The following PGM3 variants were observed in gnomAD, a reference collection of about 807,000 sequenced individuals.
PGM3 encodes the protein phosphoacetylglucosamine mutase.
In PGM3, 40 loss-of-function variants were observed where a neutral mutation model predicts 66.2. The observed-to-expected ratio is 0.60, with a 90% CI of 0.47 to 0.79. The LOEUF (loss-of-function observed/expected upper bound fraction) is 0.79. Ranked by LOEUF, PGM3 falls within the 30% of genes least tolerant of loss-of-function variation. The pLI, the probability that PGM3 is intolerant of heterozygous loss-of-function variation, is 0.00. For missense variants in PGM3, 537 were observed against 643.4 expected, an observed-to-expected ratio of 0.83 and a Z score of 1.79; for synonymous variants, 191 against 224.2, an observed-to-expected ratio of 0.85 and a Z score of 1.32.
chr6:83,162,856 A>G (rs370423377), downstream of PGM3: 13 of 1,613,582 alleles, frequency 8.1e-6, no homozygotes, highest in Non-Finnish European at 1.0e-5. Context: ...GGCAGGGTAT[A>G]CATCAACGAG....
At chr6:83,151,855 A>T in the PGM3 span, 18 of 1,609,426 alleles carry the variant, frequency 1.1e-5, 1 homozygote, top group South Asian at 2.0e-4. Context: ...TGTGTACCAT[A>T]CATAGTTGTT....
At chr6:83,158,451 A>T, downstream of PGM3, 3 of 821,204 alleles carry the variant, frequency 3.7e-6, no homozygotes, top group Non-Finnish European at 5.9e-6. Context: ...AATTTAAAAG[A>T]TTCTGAAAAT....
rs2128506406 is a variant in PGM3, at chr6:83,188,672, C to T, written c.331G>A (p.Glu111Lys). 1 of 1,613,946 alleles carries T rather than the reference C, an allele frequency of 6.2e-7. No individual in the cohort carries two copies. The highest frequency in any genetic ancestry group is 1.3e-5 in the African/African-American group (1 of 75,020). ...DMQRVLIDIS[E>K]KEAVNLQQDA... ...TGTTGCAGATTCACAGCTTCTTTCT[C>T]GCTGATGTCAATAAGCACTCTCTGC... The change falls in exon 3 of 13, where the codon GAG becomes AAG. Residue 111 changes from glutamate to lysine, a missense_variant. By Grantham distance (56) the Glu-to-Lys change is moderately conservative (BLOSUM62 1). Coordinates refer to ENST00000513973, the MANE Select transcript of PGM3 (RefSeq NM_015599.3).
chr6:83,153,731 G>C, the PGM3 span: 6 of 1,174,812 alleles, frequency 5.1e-6, no homozygotes, highest in East Asian at 1.4e-4. Context: ...TTTTTACCTT[G>C]AATTATAATT....
chr6:83,151,519 C>A, the PGM3 span: 12,443 of 1,182,474 alleles, frequency 0.011, 419 homozygotes, highest in African/African-American at 0.081. Context: ...CTTAACTCAT[C>A]GTGAGAAATT....
intron 2 of PGM3, chr6:83,190,542 A>C (rs533050732): frequency 4.4e-6 from 2 of 456,390 alleles, no homozygotes; most frequent in Non-Finnish European, 7.7e-6. Context: ...AATGTCTTAA[A>C]TCAATAAATT....
the PGM3 span, among the ~76,000 whole-genome samples, chr6:83,149,917 G>A: frequency 2.0e-5 from 3 of 152,190 alleles, no homozygotes; most frequent in African/African-American, 4.8e-5. Flanking sequence ...AATAATAAAA[G>A]GCTATGTTTG....
chr6:83,180,411 T>C (rs985842620), intron 6 of PGM3, among the ~76,000 whole-genome samples: 6 of 152,298 alleles, frequency 3.9e-5, no homozygotes, highest in East Asian at 1.9e-4. Context: ...ACACTGATAA[T>C]TAAGAGCAAA....
downstream of PGM3, among the ~76,000 whole-genome samples, chr6:83,156,268 AAAAG>A (rs1300713363): frequency 6.6e-6 from 1 of 152,226 alleles, no homozygotes; most frequent in Non-Finnish European, 1.5e-5. Flanking sequence ...GCTGGCATCT[AAAAG>A]AAATCATCAC....
chr6:83,165,932 C>CTG lies in PGM3; in HGVS notation c.*3300_*3301dup. 2.6e-6 allele frequency: 1 copy of CTG among 387,242 alleles called. No individual in the cohort carries two copies. Among genetic ancestry groups the CTG allele is most frequent in the Non-Finnish European group, 5.2e-6 (1 of 193,684 alleles). The allele number at this position is 387,242 out of a possible 1,614,324, so 24.0% of individuals were successfully genotyped here. A position where few individuals can be genotyped will look rare whatever the true frequency, so the allele number is the denominator to read the frequency against. Reference sequence around the variant, plus strand: ...ATTCAGAAAGCTGTAGTGGATCAGACTGGCAGCAAACCACCAAACAATGAC... The same window carrying CTG: ...ATTCAGAAAGCTGTAGTGGATCAGACTGTGGCAGCAAACCACCAAACAATGAC... On this transcript the variant is annotated 3_prime_UTR_variant, in exon 13 of 13. Coordinates refer to ENST00000513973, the MANE Select transcript of PGM3 (RefSeq NM_015599.3).
intron 1 of PGM3, among the ~76,000 whole-genome samples, chr6:83,192,387 T>C (rs1042198483): frequency 3.3e-5 from 5 of 152,232 alleles, no homozygotes; most frequent in African/African-American, 9.6e-5. Flanking sequence ...GTAGTCCATA[T>C]ACTACATTTC....
intron 10 of PGM3, among the ~76,000 whole-genome samples, chr6:83,173,284 T>C (rs955389759): frequency 2.7e-5 from 4 of 149,458 alleles, no homozygotes; most frequent in African/African-American, 9.9e-5. Context: ...TGGAAGACAA[T>C]GAAAGGTATA....
chr6:83,159,398 T>C (rs1180962867), downstream of PGM3, among the ~76,000 whole-genome samples: 1 of 151,708 alleles, frequency 6.6e-6, no homozygotes, highest in Non-Finnish European at 1.5e-5. Flanking sequence ...CTCAGCCTCC[T>C]GAGCAGCTGA....
chr6:83,192,468 TTTTC>T (rs1441557065), intron 1 of PGM3, among the ~76,000 whole-genome samples: 3 of 152,204 alleles, frequency 2.0e-5, no homozygotes, highest in African/African-American at 7.2e-5. Flanking sequence ...CATAATTTTG[TTTTC>T]TTTATTGTCC....
rs73749737 is a variant in PGM3, at chr6:83,190,574, C to G, written c.204+235G>C. Reference sequence around the variant, plus strand: ...AATTTGGAAGGACATTGTTATTTCTCTAATATGGACACTCCAAAAAATGAC... The same window carrying G: ...AATTTGGAAGGACATTGTTATTTCTGTAATATGGACACTCCAAAAAATGAC... On this transcript the variant is annotated intron_variant, in intron 2 of 12. Coordinates refer to ENST00000513973, the MANE Select transcript of PGM3 (RefSeq NM_015599.3). 3,754 of 515,784 alleles carry G rather than the reference C, an allele frequency of 7.3e-3. 123 individuals are homozygous for G. Among genetic ancestry groups the G allele is most frequent in the African/African-American group, 0.065 (3,349 of 51,868 alleles). 32.0% of individuals were successfully genotyped at this position (515,784 alleles called of 1,614,324 possible).
Position 83,188,154 on chromosome 6 carries a change from CAA to C in PGM3, c.389+458_389+459del, listed in dbSNP as rs370816251. ...TTTTTGTTAAGAAAGGCAAAAGCTG[CAA>C]AACAGAACTATGTGGAAAATAATAT... On this transcript the variant is annotated intron_variant, in intron 3 of 12. Transcript: ENST00000513973. Among the ~76,000 whole-genome samples the C allele has an allele frequency of 2.2e-3, 338 of 152,168 alleles. 1 individual carries two copies. Among genetic ancestry groups the C allele is most frequent in the African/African-American group, 7.8e-3 (324 of 41,500 alleles).
At position 83,181,803 on chromosome 6, in the gene PGM3, C is replaced by T; in HGVS notation, c.720G>A (p.Gly240=). ...QGLSVQLFND[G]SKGKLNHLCG... ...ATAAATGATTGAGTTTGCCCTTGGA[C>T]CCATCATTAAACAGCTGAACTGACA... is the stretch of plus-strand genomic sequence containing the variant. Residue 240 remains glycine, a synonymous_variant, in exon 6 of 13, where the codon GGG becomes GGA. Coordinates refer to ENST00000513973, the MANE Select transcript of PGM3 (RefSeq NM_015599.3). 1 of 1,613,996 alleles carries T rather than the reference C, an allele frequency of 6.2e-7. No individual in the cohort carries two copies. Among genetic ancestry groups the T allele is most frequent in the Non-Finnish European group, 8.5e-7 (1 of 1,179,946 alleles).
chr6:83,173,481 G>C (rs1787470811), intron 10 of PGM3, among the ~76,000 whole-genome samples: 1 of 151,906 alleles, frequency 6.6e-6, no homozygotes, highest in African/African-American at 2.4e-5. Context: ...GTAAAATGGA[G>C]AAATATGAGC....
chr6:83,181,352 A>G (rs1788161816), intron 6 of PGM3, among the ~76,000 whole-genome samples: 1 of 152,234 alleles, frequency 6.6e-6, no homozygotes, highest in Non-Finnish European at 1.5e-5. Context: ...CAAACTTGAT[A>G]GAAATGCAAA....
Sources: gnomAD v4.1 joint callset for allele counts (sites outside exome capture counted in the v4.1 genomes callset) on GRCh38, gnomAD v4.1.1 for gene constraint, MANE v1.5 for transcripts, NCBI Gene and HGNC (gene_info 2026-07-23, HGNC 2026-07-21) for gene names.